Variants in MCM8 observed in about 807,000 individuals in gnomAD.
The protein encoded by MCM8 is DNA helicase MCM8.
A neutral mutation model predicts 98.9 loss-of-function variants in MCM8; 85 were observed. That is an observed-to-expected ratio of 0.86 (90% CI 0.72 to 1.03). The LOEUF (loss-of-function observed/expected upper bound fraction) is 1.03, where lower values mean the gene tolerates loss of function less well. Among genes scored for constraint, MCM8 ranks in the 50% least tolerant of loss-of-function variants. The pLI is 0.00. For missense variants in MCM8, 951 were observed against 997.8 expected, an observed-to-expected ratio of 0.95 and a Z score of 0.63; for synonymous variants, 352 against 338.6, an observed-to-expected ratio of 1.04 and a Z score of -0.44.
chr20:5,971,024 G>A (rs554786797), intron 10 of MCM8, among the ~76,000 whole-genome samples: 1 of 152,076 alleles, frequency 6.6e-6, no homozygotes, highest in Admixed American at 6.6e-5. Context: ...TTGTTGCACA[G>A]GCTAGTTTTG....
intron 8 of MCM8, 126 bp from the exon 9 acceptor site, chr20:5,967,310 C>G: frequency 1.4e-6 from 1 of 693,460 alleles, no homozygotes; most frequent in Admixed American, 3.2e-5. Context: ...TTAGATATAC[C>G]ATTAAACTGT....
At chr20:5,982,353 A>C (rs180914559) in intron 13 of MCM8, among the ~76,000 whole-genome samples, 1 of 152,270 alleles carries the variant, frequency 6.6e-6, no homozygotes, top group East Asian at 1.9e-4. Context: ...TGACCCCCAG[A>C]TACTAACCTA....
At chr20:5,956,228 C>A (rs1394812429) in intron 5 of MCM8, among the ~76,000 whole-genome samples, 1 of 152,146 alleles carries the variant, frequency 6.6e-6, no homozygotes, top group African/African-American at 2.4e-5. Context: ...TTCACATGGA[C>A]AGATTATTTG....
chr20:5,968,054 T>A, intron 10 of MCM8, 29 bp downstream of exon 10: 1 of 1,568,086 alleles, frequency 6.4e-7, no homozygotes, highest in African/African-American at 1.4e-5. Context: ...GAAATTTTAT[T>A]ACATAGATGC....
At chr20:5,994,055 T>TTTTG (rs10623278) in intron 18 of MCM8, 103,150 of 359,432 alleles carry the variant, frequency 0.29, 21,256 homozygotes, top group African/African-American at 0.73. Context: ...TTAGCTTGAT[T>TTTTG]TTTTTCAGCT....
chr20:5,986,193 C>T (rs549141555), intron 16 of MCM8, 62 bp downstream of exon 16: 1 of 1,464,472 alleles, frequency 6.8e-7, no homozygotes, highest in Non-Finnish European at 9.5e-7. Context: ...GCCTTGACTT[C>T]TCTTTTGAAG....
At chr20:5,959,554 A>G (rs1464648689) in intron 7 of MCM8, among the ~76,000 whole-genome samples, 1 of 152,192 alleles carries the variant, frequency 6.6e-6, no homozygotes, top group Non-Finnish European at 1.5e-5. Flanking sequence ...TGCTTTAAAT[A>G]AATAGCCACA....
chr20:5,989,771 TG>T (rs1208659346), intron 17 of MCM8, among the ~76,000 whole-genome samples: 2 of 152,174 alleles, frequency 1.3e-5, no homozygotes, highest in African/African-American at 4.8e-5. Context: ...TGTCACCTCC[TG>T]AAGGTACAAG....
At chr20:5,985,815 G>A (rs2089720043) in intron 15 of MCM8, 107 bp from the exon 16 acceptor site, 3 of 1,087,240 alleles carry the variant, frequency 2.8e-6, no homozygotes, top group Admixed American at 4.3e-5. Context: ...CAAAGCGCAG[G>A]GATTACAGGC....
chr20:5,955,467 A>G (rs1196355652), intron 5 of MCM8, among the ~76,000 whole-genome samples: 1 of 152,072 alleles, frequency 6.6e-6, no homozygotes, highest in Non-Finnish European at 1.5e-5. Flanking sequence ...ATCTAAATGA[A>G]ATATTTACCT....
intron 9 of MCM8, 71 bp downstream of exon 9, chr20:5,967,658 T>G: frequency 6.8e-7 from 1 of 1,479,174 alleles, no homozygotes; most frequent in Non-Finnish European, 9.2e-7. Context: ...TCTAAGATGC[T>G]CCTGAACCTC....
In MCM8 at chr20:5,952,534, G is replaced by C. The variant is rs370357421; in HGVS notation, c.253+6G>C. 1.6e-5 allele frequency: 25 copies of C among 1,607,396 alleles called. No individual in the cohort carries two copies. Among genetic ancestry groups the C allele is most frequent in the Non-Finnish European group, 2.0e-5 (24 of 1,176,076 alleles). ...GAAGCTTTATTTCTCTGAAGGTAGG[G>C]TTTAAAAAGTACAAAAAAGCACCAT... On this transcript the variant is annotated splice_donor_region_variant and intron_variant, in intron 3 of 18. Coordinates refer to ENST00000610722, the MANE Select transcript of MCM8 (RefSeq NM_032485.6).
At chr20:5,981,173 G>A (rs765754707) in intron 13 of MCM8, among the ~76,000 whole-genome samples, 41 of 152,216 alleles carry the variant, frequency 2.7e-4, no homozygotes, top group Admixed American at 9.2e-4. Context: ...GTAGGAAGTA[G>A]CTTGACTTTG....
chr20:5,961,481 TCTGA>T (rs2089142267), intron 7 of MCM8, among the ~76,000 whole-genome samples: 1 of 152,234 alleles, frequency 6.6e-6, no homozygotes, highest in African/African-American at 2.4e-5. Flanking sequence ...GGCTTCTTTC[TCTGA>T]CTGGAAGAAG....
chr20:5,972,838 T>A, intron 11 of MCM8: 2 of 1,356,152 alleles, frequency 1.5e-6, no homozygotes, highest in South Asian at 1.5e-5. Context: ...CTTAGTAATT[T>A]CTAAGATAGC....
intron 17 of MCM8, among the ~76,000 whole-genome samples, 180 bp downstream of exon 17, chr20:5,987,538 A>G (rs1487637374): frequency 2.0e-5 from 3 of 152,154 alleles, no homozygotes; most frequent in Admixed American, 6.5e-5. Flanking sequence ...TACATTAGAA[A>G]TTTTTTTGAA....
chr20:5,982,984 G>A lies in MCM8; in HGVS notation c.1552G>A (p.Asp518Asn). The A allele has an allele frequency of 1.2e-6, 2 of 1,609,856 alleles. No homozygotes were observed. Among genetic ancestry groups the A allele is most frequent in the Non-Finnish European group, 1.7e-6 (2 of 1,178,952 alleles). The change falls in exon 14 of 19, where the codon GAT (aspartate) becomes AAT (asparagine). Residue 518 changes from aspartate to asparagine, a missense_variant. Transcript: ENST00000610722. ...VLGDQGICGI[D>N]EFDKMGNQHQ... The stretch of plus-strand genomic sequence containing the variant: ...TTCGATTGTAGGTATTTGTGGAATC[G>A]ATGAATTTGATAAGATGGGGAATCA...
chr20:5,969,560 C>A (rs1289489850), intron 10 of MCM8, among the ~76,000 whole-genome samples: 1 of 150,334 alleles, frequency 6.7e-6, no homozygotes, highest in African/African-American at 2.5e-5. Flanking sequence ...CCACTGCACT[C>A]CAGCCTGAGC....
In MCM8 at chr20:5,995,782, T is replaced by C. The variant is rs987166091; in HGVS notation, c.*1391T>C. 2.0e-5 allele frequency: 3 copies of C among 152,206 alleles called. No homozygotes were observed. Among genetic ancestry groups the C allele is most frequent in the Admixed American group, 1.3e-4 (2 of 15,280 alleles). The allele number at this position is 152,206 out of a possible 1,614,324, so 9.4% of individuals were successfully genotyped here. A position where few individuals can be genotyped will look rare whatever the true frequency, so the allele number is the denominator to read the frequency against. On this transcript the variant is annotated 3_prime_UTR_variant, in exon 19 of 19. Transcript: ENST00000610722. The stretch of plus-strand genomic sequence containing the variant: ...TCATGTATAAATCCAACAAACACTT[T>C]GTAACATACAAGAACTCAGGAAATG...
Sources: gnomAD v4.1 joint callset for allele counts (sites outside exome capture counted in the v4.1 genomes callset) on GRCh38, gnomAD v4.1.1 for gene constraint, MANE v1.5 for transcripts, NCBI Gene and HGNC (gene_info 2026-07-23, HGNC 2026-07-21) for gene names.